ZFR2: variants seen among roughly 807,000 people sequenced by gnomAD.
The protein encoded by ZFR2 is zinc finger RNA binding protein 2, also known as zinc finger RNA-binding protein 2.
ZFR2 carries 104 observed loss-of-function variants against 105.7 expected under a neutral mutation model. That is an observed-to-expected ratio of 0.98 (90% confidence interval 0.84 to 1.16). The LOEUF is 1.16. Ranked by LOEUF, ZFR2 falls within the 50% of genes most tolerant of loss-of-function variation. The pLI is 0.00. For missense variants in ZFR2, 1,425 were observed against 1,355.5 expected (o/e 1.05, Z -0.80); for synonymous variants, 634 against 597.7 (o/e 1.06, Z -0.89).
At chr19:3,842,555 G>A (rs1481561944) in intron 1 of ZFR2, among the ~76,000 whole-genome samples, 4 of 151,870 alleles carry the variant, frequency 2.6e-5, no homozygotes, top group African/African-American at 9.7e-5. Context: ...ATAAAATGTA[G>A]TGGTTTTCAG....
chr19:3,833,372 G>C (rs112393740), intron 3 of ZFR2, among the ~76,000 whole-genome samples: 9,203 of 151,942 alleles, frequency 0.061, 311 homozygotes, highest in Non-Finnish European at 0.078. Context: ...GTCAGGAGAT[G>C]GAGACCATCC....
At chr19:3,818,359 C>G (rs1358594569) in intron 12 of ZFR2, among the ~76,000 whole-genome samples, 4 of 151,760 alleles carry the variant, frequency 2.6e-5, no homozygotes, top group Non-Finnish European at 2.9e-5. Flanking sequence ...CCCAGCTACT[C>G]GGGAGGCTGA....
intron 5 of ZFR2, among the ~76,000 whole-genome samples, chr19:3,828,529 C>T (rs1213450261): frequency 1.3e-5 from 2 of 152,196 alleles, no homozygotes; most frequent in African/African-American, 2.4e-5. Flanking sequence ...AGGATAGTCA[C>T]GTACACTTCC....
intron 1 of ZFR2, among the ~76,000 whole-genome samples, chr19:3,866,939 C>G (rs182546726): frequency 6.6e-6 from 1 of 152,364 alleles, no homozygotes; most frequent in East Asian, 1.9e-4. Flanking sequence ...AGAAACCACT[C>G]CGAGTGCAGG....
At chr19:3,845,992 T>C (rs761177691) in intron 1 of ZFR2, among the ~76,000 whole-genome samples, 5 of 152,212 alleles carry the variant, frequency 3.3e-5, no homozygotes, top group Admixed American at 6.5e-5. Context: ...TTTTTTGTTT[T>C]CTGAAACGGA....
intron 1 of ZFR2, among the ~76,000 whole-genome samples, chr19:3,844,739 C>T (rs1408192184): frequency 6.6e-6 from 1 of 152,194 alleles, no homozygotes; most frequent in African/African-American, 2.4e-5. Flanking sequence ...GGTTTAATGG[C>T]ATCTTGTGGT....
At chr19:3,848,532 A>C (rs561686166) in intron 1 of ZFR2, among the ~76,000 whole-genome samples, 6 of 151,750 alleles carry the variant, frequency 4.0e-5, no homozygotes, top group Middle Eastern at 3.4e-3. Context: ...GCAACATAGC[A>C]AGATCCCATC....
chr19:3,840,871 T>C lies in ZFR2; in HGVS notation c.54-5888A>G, dbSNP rs548499307. ...GCAGCTGAGGAACAGAATGTTAAAT[T>C]TTAAAATTTGTTTCATTTCAGTTAA... On this transcript the variant is annotated intron_variant, in intron 1 of 18. Coordinates refer to ENST00000262961, the MANE Select transcript of ZFR2 (RefSeq NM_015174.2). 2.6e-5 allele frequency among the ~76,000 whole-genome samples: 4 copies of C among 152,270 alleles called. No homozygotes were observed. The South Asian group carries it at 8.3e-4, about 32-fold the overall frequency.
At chr19:3,810,722 A>T in intron 16 of ZFR2, 28 bp downstream of exon 16, 1 of 1,540,580 alleles carries the variant, frequency 6.5e-7, no homozygotes, top group Non-Finnish European at 8.8e-7. Flanking sequence ...GTCCCAGTGG[A>T]GGGCCGGGCC....
At chr19:3,864,896 C>T (rs1385627032) in intron 1 of ZFR2, among the ~76,000 whole-genome samples, 4 of 152,026 alleles carry the variant, frequency 2.6e-5, no homozygotes, top group Non-Finnish European at 4.4e-5. Flanking sequence ...TACAGGCATG[C>T]GTCACCACAG....
intron 12 of ZFR2, 49 bp from the exon 13 acceptor site, chr19:3,816,894 G>A (rs746369602): frequency 6.7e-7 from 1 of 1,498,128 alleles, no homozygotes; most frequent in South Asian, 1.3e-5. Context: ...GAGACGCGGG[G>A]TACCCCAGCT....
chr19:3,805,944 G>T lies in ZFR2; in HGVS notation c.*5C>A. The T allele has an allele frequency of 6.5e-7, 1 of 1,527,058 alleles. No homozygotes were observed. Among genetic ancestry groups the T allele is most frequent in the Non-Finnish European group, 8.8e-7 (1 of 1,140,632 alleles). The allele number at this position is 1,527,058 out of a possible 1,614,324, so 94.6% of individuals were successfully genotyped here. ...AAAGGCCCGCAGGTGGGGGAGGTAG[G>T]CGGCTCACACGAGCCCCTCTCCGCC... On this transcript the variant is annotated 3_prime_UTR_variant, in exon 19 of 19. Coordinates refer to ENST00000262961, the MANE Select transcript of ZFR2 (RefSeq NM_015174.2).
chr19:3,860,568 G>A (rs774420068), intron 1 of ZFR2, among the ~76,000 whole-genome samples: 65 of 152,160 alleles, frequency 4.3e-4, no homozygotes, highest in Non-Finnish European at 9.1e-4. Context: ...CCTCTGCCCT[G>A]CTGAGAAGGA....
At chr19:3,855,299 TA>T in intron 1 of ZFR2, 1 of 1,060,456 alleles carries the variant, frequency 9.4e-7, no homozygotes, top group Non-Finnish European at 1.2e-6. Context: ...ATCTTCTGGC[TA>T]AGCTGAAAAA....
chr19:3,847,664 CT>C (rs371811895), intron 1 of ZFR2, among the ~76,000 whole-genome samples: 232 of 152,318 alleles, frequency 1.5e-3, no homozygotes, highest in African/African-American at 5.3e-3. Context: ...CAGGCCTCAC[CT>C]TTTGAAGGAA....
chr19:3,850,327 T>C (rs1391559881), intron 1 of ZFR2, among the ~76,000 whole-genome samples: 1 of 151,908 alleles, frequency 6.6e-6, no homozygotes, highest in African/African-American at 2.4e-5. Flanking sequence ...GGACAGAGGT[T>C]ATCAGGGTGA....
intron 17 of ZFR2, 110 bp downstream of exon 17, chr19:3,808,762 G>T: frequency 3.2e-6 from 3 of 929,596 alleles, no homozygotes; most frequent in South Asian, 1.8e-5. Context: ...TCCTGCCTGG[G>T]CTGGACACTT....
rs1599231572 is a variant in ZFR2, at chr19:3,825,372, A to G, written c.1071T>C (p.Ile357=). Residue 357 remains isoleucine, a synonymous_variant, in exon 7 of 19, where the codon ATT becomes ATC. Transcript: ENST00000262961. ...FKLHAKLGKP[I]PTLEPALATE... The stretch of plus-strand genomic sequence containing the variant: ...TGGCCAGTGCAGGCTCGAGGGTGGG[A>G]ATGGGCTTCCCCAGTTTGGCGTGCA... The G allele has an allele frequency of 6.3e-7, 1 of 1,588,460 alleles. No homozygotes were observed. The highest frequency in any genetic ancestry group is 8.5e-7 in the Non-Finnish European group (1 of 1,169,948).
chr19:3,822,070 G>T lies in ZFR2; in HGVS notation c.1491+11C>A, dbSNP rs753954659. The T allele has an allele frequency of 9.4e-6, 15 of 1,590,182 alleles. No individual in the cohort carries two copies. In the African/African-American group the frequency reaches 1.1e-4, roughly 11 times the overall value. On this transcript the variant is annotated intron_variant, in intron 9 of 18. Coordinates refer to ENST00000262961, the MANE Select transcript of ZFR2 (RefSeq NM_015174.2). ...CCGGACGGGTGTCGGAGCTCCCCCTGCTGGACGCACCCGGTACTGCAGCCG... is the reference window on the plus strand; with the variant it reads ...CCGGACGGGTGTCGGAGCTCCCCCTTCTGGACGCACCCGGTACTGCAGCCG...
Sources: allele counts gnomAD v4.1 joint callset (sites outside exome capture counted in the v4.1 genomes callset), GRCh38; gene constraint gnomAD v4.1.1; transcripts MANE v1.5; gene names NCBI Gene and HGNC (gene_info 2026-07-23, HGNC 2026-07-21).